NVL: variants seen among roughly 807,000 people sequenced by gnomAD.
NVL encodes nuclear valosin-containing protein-like.
A neutral mutation model predicts 110.2 loss-of-function variants in NVL; 84 were observed. That is an observed-to-expected ratio of 0.76 (90% CI 0.64 to 0.91). The LOEUF (loss-of-function observed/expected upper bound fraction) is 0.91. NVL is among the 40% of genes least tolerant of loss of function. The pLI is 0.00. For synonymous variants in NVL, 354 were observed against 361.1 expected (o/e 0.98, Z 0.22); for missense variants, 882 against 1,035.9 (o/e 0.85, Z 2.04).
chr1:224,239,943 G>A (rs956364671), intron 19 of NVL, among the ~76,000 whole-genome samples: 14 of 152,248 alleles, frequency 9.2e-5, no homozygotes, highest in African/African-American at 3.4e-4. Context: ...GTGTCACCAG[G>A]CTGGAGTGCA....
At chr1:224,318,040 T>A in intron 2 of NVL, 110 bp from the exon 3 acceptor site, 1 of 663,236 alleles carries the variant, frequency 1.5e-6, no homozygotes, top group Non-Finnish European at 2.5e-6. Context: ...ATTGTTACAG[T>A]ATAGACACTT....
At chr1:224,323,910 C>A (rs1286020500) in intron 2 of NVL, among the ~76,000 whole-genome samples, 1 of 152,166 alleles carries the variant, frequency 6.6e-6, no homozygotes, top group Non-Finnish European at 1.5e-5. Context: ...TCCAATTGCT[C>A]TCTTTTAGAA....
chr1:224,313,041 C>A, intron 4 of NVL: 1 of 371,436 alleles, frequency 2.7e-6, no homozygotes, highest in East Asian at 8.4e-5. Flanking sequence ...CACCTGTAAT[C>A]CCAGCTACCT....
chr1:224,259,412 T>C (rs1243467949), intron 18 of NVL, among the ~76,000 whole-genome samples: 1 of 151,912 alleles, frequency 6.6e-6, no homozygotes, highest in African/African-American at 2.4e-5. Flanking sequence ...ATTCTAAGAT[T>C]AGATTGTTGG....
chr1:224,313,649 C>T (rs1669773636), intron 4 of NVL, among the ~76,000 whole-genome samples: 2 of 152,102 alleles, frequency 1.3e-5, no homozygotes, highest in African/African-American at 4.8e-5. Context: ...GCAAGCAATT[C>T]GCAAAACAAA....
chr1:224,233,202 T>G lies in NVL; in HGVS notation c.2454A>C (p.Lys818Asn). ...EMARQKSGNE[K>N]GELKVSHKHF... ...GAGAGATTCTGGAGAGAATTGTACCTTTTTCATTTCCACTCTTCTGTCTTG... is the reference window on the plus strand; with the variant it reads ...GAGAGATTCTGGAGAGAATTGTACCGTTTTCATTTCCACTCTTCTGTCTTG... The change falls in exon 21 of 23, where the codon AAA becomes AAC. Residue 818 changes from lysine to asparagine, a missense_variant and splice_region_variant. This residue lies in a region of NVL where 126 missense variants were observed against 140.7 expected (regional missense o/e 0.90). Coordinates refer to ENST00000281701, the MANE Select transcript of NVL (RefSeq NM_002533.4). 1 of 1,609,186 alleles carries G rather than the reference T, an allele frequency of 6.2e-7. No homozygotes were observed. Among genetic ancestry groups the G allele is most frequent in the Non-Finnish European group, 8.5e-7 (1 of 1,177,726 alleles).
At chr1:224,264,551 A>G (rs920800709) in intron 18 of NVL, among the ~76,000 whole-genome samples, 8 of 152,060 alleles carry the variant, frequency 5.3e-5, no homozygotes, top group African/African-American at 1.9e-4. Flanking sequence ...ACAAATGGTG[A>G]TTTTAAAGCA....
chr1:224,247,826 T>C (rs1453813815), intron 19 of NVL, among the ~76,000 whole-genome samples: 1 of 152,168 alleles, frequency 6.6e-6, no homozygotes, highest in Admixed American at 6.5e-5. Flanking sequence ...TAATTCTTTG[T>C]TGTTGGCTGT....
At chr1:224,278,589 C>T (rs548794767) in intron 16 of NVL, among the ~76,000 whole-genome samples, 11 of 152,148 alleles carry the variant, frequency 7.2e-5, no homozygotes, top group African/African-American at 2.4e-4. Context: ...TTCCCCCTAC[C>T]CACCCGTTAA....
intron 19 of NVL, among the ~76,000 whole-genome samples, chr1:224,242,826 GT>G (rs35271187): frequency 0.088 from 10,922 of 124,518 alleles, 628 homozygotes; most frequent in African/African-American, 0.21. Flanking sequence ...ATTAATGCTT[GT>G]TTTTTTTTTT....
chr1:224,296,631 A>C lies in NVL; in HGVS notation c.1063-13T>G. On this transcript the variant is annotated splice_polypyrimidine_tract_variant and intron_variant, in intron 10 of 22. Transcript: ENST00000281701. ...ATGGTGCATTTGACTAGAAATAAAA[A>C]TATCACAAAAAGACAATCATAAATG... 1 of 1,495,184 alleles carries C rather than the reference A, an allele frequency of 6.7e-7. No homozygotes were observed. The highest frequency in any genetic ancestry group is 9.2e-7 in the Non-Finnish European group (1 of 1,087,770). The allele number at this position is 1,495,184 out of a possible 1,614,324, so 92.6% of individuals were successfully genotyped here. A position where few individuals can be genotyped will look rare whatever the true frequency, so the allele number is the denominator to read the frequency against.
At chr1:224,283,442 G>A (rs1271269289) in intron 15 of NVL, among the ~76,000 whole-genome samples, 1 of 152,100 alleles carries the variant, frequency 6.6e-6, no homozygotes, top group African/African-American at 2.4e-5. Context: ...AGCCAAGGTT[G>A]TGCCACTGCA....
At chr1:224,299,949 CAT>C (rs770594126) in intron 10 of NVL, among the ~76,000 whole-genome samples, 38 of 152,100 alleles carry the variant, frequency 2.5e-4, no homozygotes, top group African/African-American at 8.9e-4. Context: ...CTAATAATGA[CAT>C]AAACTTTTCA....
In NVL at chr1:224,317,902, C is replaced by T; in HGVS notation, c.160G>A (p.Ala54Thr). The change falls in exon 3 of 23, where the codon GCT becomes ACT. Residue 54 changes from alanine to threonine, a missense_variant. Around this residue, in one of 4 missense-constraint regions of NVL, gnomAD observed 274 missense variants for 268.4 expected, o/e 1.02. Transcript: ENST00000281701. Reference protein sequence around the residue: ...SIDYGRRKRNAFRIQVEKVFS... With the variant: ...SIDYGRRKRNTFRIQVEKVFS... The stretch of plus-strand genomic sequence containing the variant: ...CCTTTTTCTACCTGAATCCTAAAAG[C>T]ATTTCTTTTTCTTCGACCATAGTCT... The T allele has an allele frequency of 6.3e-7, 1 of 1,599,002 alleles. No individual in the cohort carries two copies. The highest frequency in any genetic ancestry group is 8.6e-7 in the Non-Finnish European group (1 of 1,168,870).
At chr1:224,307,684 G>A (rs1235682182) in intron 6 of NVL, among the ~76,000 whole-genome samples, 2 of 111,502 alleles carry the variant, frequency 1.8e-5, no homozygotes, top group African/African-American at 7.0e-5. Context: ...CAGCGACAGA[G>A]CCAGACCCAG....
intron 2 of NVL, among the ~76,000 whole-genome samples, chr1:224,324,160 A>G (rs1190986279): frequency 6.6e-6 from 1 of 152,226 alleles, no homozygotes; most frequent in African/African-American, 2.4e-5. Flanking sequence ...ACTAAATACT[A>G]TAGGCAACTG....
chr1:224,262,825 C>T (rs1410437240), intron 18 of NVL, among the ~76,000 whole-genome samples: 3 of 152,182 alleles, frequency 2.0e-5, no homozygotes, highest in Non-Finnish European at 4.4e-5. Context: ...CAGTGTCATG[C>T]TTGGGTCAGC....
chr1:224,267,545 G>A (rs980847606), intron 18 of NVL, among the ~76,000 whole-genome samples: 5 of 151,974 alleles, frequency 3.3e-5, no homozygotes, highest in East Asian at 3.9e-4. Flanking sequence ...AAAAATAGCC[G>A]GGCATGGTGG....
chr1:224,279,624 C>G (rs1044626634), intron 16 of NVL, among the ~76,000 whole-genome samples: 3 of 152,136 alleles, frequency 2.0e-5, no homozygotes, highest in African/African-American at 7.2e-5. Context: ...CAATTATTAT[C>G]AACTCGATTA....
Sources: allele counts gnomAD v4.1 joint callset (sites outside exome capture counted in the v4.1 genomes callset), GRCh38; gene constraint gnomAD v4.1.1; regional missense constraint gnomAD v4.1.1; transcripts MANE v1.5; gene names NCBI Gene and HGNC (gene_info 2026-07-23, HGNC 2026-07-21).